Variants in A2ML1 observed in about 807,000 individuals in gnomAD.
The protein encoded by A2ML1 is alpha-2-macroglobulin like 1.
In A2ML1, 161 loss-of-function variants were observed where a neutral mutation model predicts 181.9. The observed-to-expected ratio is 0.89, with a 90% confidence interval of 0.78 to 1.01. The LOEUF is 1.01. A2ML1 is among the 50% of genes least tolerant of loss of function. A2ML1 has a pLI of 0.00. For missense variants in A2ML1, 1,670 were observed against 1,768.1 expected, an observed-to-expected ratio of 0.94 and a Z score of 1.00; for synonymous variants, 663 against 666.8, an observed-to-expected ratio of 0.99 and a Z score of 0.09.
chr12:8,871,145 A>C (rs912458937), intron 33 of A2ML1, among the ~76,000 whole-genome samples: 2 of 152,220 alleles, frequency 1.3e-5, no homozygotes, highest in African/African-American at 4.8e-5. Context: ...TTTGTTGGGA[A>C]ACACATGGAA....
At chr12:8,870,663 G>A (rs56034097) in intron 33 of A2ML1, among the ~76,000 whole-genome samples, 8,622 of 152,254 alleles carry the variant, frequency 0.057, 344 homozygotes, top group Non-Finnish European at 0.088. Flanking sequence ...CCAAGTTTAT[G>A]ATGCTTTCAT....
intron 23 of A2ML1, among the ~76,000 whole-genome samples, chr12:8,856,192 C>T (rs1191940947): frequency 6.6e-6 from 1 of 152,148 alleles, no homozygotes; most frequent in Non-Finnish European, 1.5e-5. Flanking sequence ...AGTAGGAGCC[C>T]TATGAATGTT....
chr12:8,823,744 G>T lies in A2ML1; in HGVS notation c.271G>T (p.Glu91Ter), dbSNP rs771663545. The T allele has an allele frequency of 6.2e-7, 1 of 1,613,980 alleles. No homozygotes were observed. The highest frequency in any genetic ancestry group is 8.5e-7 in the Non-Finnish European group (1 of 1,179,956). The change falls in exon 3 of 36, where the codon GAA (glutamate) becomes TAA (stop). Residue 91 changes from glutamate to a stop codon, truncating the protein, a stop_gained. Coordinates refer to ENST00000299698, the MANE Select transcript of A2ML1 (RefSeq NM_144670.6). LOFTEE classifies it high-confidence loss of function. ...GGTACCACCTCCTGCTGGTGGCACA[G>T]AAGAAGTGGCCACAATCCGGGTGTC... is the stretch of plus-strand genomic sequence containing the variant. ...FLVPPPAGGT[E>*]EVATIRVSGV...
At position 8,852,673 on chromosome 12, in the gene A2ML1, AATTG is replaced by A. The variant is rs1459741771; in HGVS notation, c.2590+343_2590+346del. On this transcript the variant is annotated intron_variant, in intron 20 of 35. Coordinates refer to ENST00000299698, the MANE Select transcript of A2ML1 (RefSeq NM_144670.6). This position sits in a 1 kb window ranked among gnomAD's most constrained non-coding sequence, Gnocchi z 4.2. The stretch of plus-strand genomic sequence containing the variant: ...CTGCTTTACATATATTAACTCATTA[AATTG>A]ATTGACTAATTAATTTTTATTTTAT... Among the ~76,000 whole-genome samples, 3 of 152,104 alleles carry A rather than the reference AATTG, an allele frequency of 2.0e-5. No homozygotes were observed. The highest frequency in any genetic ancestry group is 4.4e-5 in the Non-Finnish European group (3 of 68,018).
intron 15 of A2ML1, 42 bp downstream of exon 15, chr12:8,847,740 T>C (rs1592131485): frequency 6.3e-7 from 1 of 1,590,762 alleles, no homozygotes; most frequent in South Asian, 1.1e-5. Flanking sequence ...AGGGAGTTGA[T>C]GGAGAAGACA....
At chr12:8,824,925 C>CT (rs1166287715) in intron 3 of A2ML1, among the ~76,000 whole-genome samples, 1 of 152,124 alleles carries the variant, frequency 6.6e-6, no homozygotes, top group Non-Finnish European at 1.5e-5. Context: ...GGGTCTCATT[C>CT]TTTTTTATGG....
At position 8,849,712 on chromosome 12, in the gene A2ML1, C is replaced by A; in HGVS notation, c.2072C>A (p.Pro691Gln). Residue 691 changes from proline to glutamine, a missense_variant, in exon 17 of 36, where the codon CCA (proline) becomes CAA (glutamine). Physicochemically the swap from Pro to Gln is moderately conservative, Grantham distance 76. Transcript: ENST00000299698. ...KILSNAKIKK[P>Q]VDCSHRSPEY... ...CTGTCCAATGCCAAAATCAAGAAGC[C>A]AGTAGATTGCAGTCACAGATCTCCA... 6.2e-7 allele frequency: 1 copy of A among 1,614,186 alleles called. No individual in the cohort carries two copies. The highest frequency in any genetic ancestry group is 8.5e-7 in the Non-Finnish European group (1 of 1,180,038).
chr12:8,855,486 A>T lies in A2ML1; in HGVS notation c.2765-23A>T, dbSNP rs779210742. 202 of 1,612,376 alleles carry T rather than the reference A, an allele frequency of 1.3e-4. 3 individuals carry two copies. The South Asian group carries it at 2.0e-3, about 16-fold the overall frequency. ...GCCATTCCCCATCTTCTATTGTGTC[A>T]CCTTTTTTTCTGCATCTCACAGGAA... On this transcript the variant is annotated intron_variant, in intron 22 of 35. Transcript: ENST00000299698.
At chr12:8,836,010 C>A (rs1220135571) in intron 6 of A2ML1, among the ~76,000 whole-genome samples, 14 of 98,992 alleles carry the variant, frequency 1.4e-4, no homozygotes, top group Non-Finnish European at 2.2e-4. Context: ...AAGACTCCGT[C>A]TCAAAAAAAA....
At chr12:8,842,221 CT>C (rs763862924) in intron 11 of A2ML1, among the ~76,000 whole-genome samples, 17,414 of 142,838 alleles carry the variant, frequency 0.12, 1,008 homozygotes, top group Non-Finnish European at 0.17. Flanking sequence ...ATGTTTTTTT[CT>C]TTTTTTTTTT....
rs373823890 is a variant in A2ML1 at position 8,846,134 on chromosome 12, C to T, written c.1595C>T (p.Pro532Leu). Residue 532 changes from proline to leucine, a missense_variant, in exon 14 of 36, where the codon CCT becomes CTT. Pro to Leu is a moderately conservative substitution (Grantham distance 98). Coordinates refer to ENST00000299698, the MANE Select transcript of A2ML1 (RefSeq NM_144670.6). The part of the protein sequence containing the change: ...LTFTSRLAPD[P>L]SLVIYAIFPS... ...TTCACTTCGAGACTGGCCCCTGATC[C>T]TTCCCTGGTGATCTATGCCATTTTT... 95 of 1,614,092 alleles carry T rather than the reference C, an allele frequency of 5.9e-5. No individual in the cohort carries two copies. The highest frequency in any genetic ancestry group is 1.3e-4 in the Admixed American group (8 of 60,002).
Position 8,854,118 on chromosome 12 carries a change from T to A in A2ML1, c.2591-10T>A. ...ATAGGGCTAATGGCTTCCCTTCTTC[T>A]TTCTCTCAGGTCACATTAACTTTAC... On this transcript the variant is annotated splice_polypyrimidine_tract_variant and intron_variant, in intron 20 of 35. Coordinates refer to ENST00000299698, the MANE Select transcript of A2ML1 (RefSeq NM_144670.6). 6.4e-7 allele frequency: 1 copy of A among 1,570,168 alleles called. No individual in the cohort carries two copies. Among genetic ancestry groups the A allele is most frequent in the African/African-American group, 1.4e-5 (1 of 73,758 alleles).
At chr12:8,858,962 A>C (rs1944165086) in intron 26 of A2ML1, among the ~76,000 whole-genome samples, 1 of 152,100 alleles carries the variant, frequency 6.6e-6, no homozygotes, top group African/African-American at 2.4e-5. Context: ...TCATGTTTAC[A>C]ACAAATCAAT....
rs751287968 is a variant in A2ML1, at chr12:8,838,444, G to A, written c.964G>A (p.Gly322Arg). Residue 322 changes from glycine to arginine, a missense_variant, in exon 9 of 36, where the codon GGG (glycine) becomes AGG (arginine). Physicochemically the swap from Gly to Arg is moderately radical, Grantham distance 125. Coordinates refer to ENST00000299698, the MANE Select transcript of A2ML1 (RefSeq NM_144670.6). ...INIVATVVEE[G>R]TGVEANATQN... ...TATTGTGGCTACTGTTGTGGAGGAAGGGACAGGTAAGTAGGGTGCTCCTTG... is the reference window on the plus strand; with the variant it reads ...TATTGTGGCTACTGTTGTGGAGGAAAGGACAGGTAAGTAGGGTGCTCCTTG... 2.7e-5 allele frequency: 43 copies of A among 1,613,094 alleles called. No individual in the cohort carries two copies. The highest frequency in any genetic ancestry group is 3.4e-5 in the Non-Finnish European group (40 of 1,179,510).
intron 33 of A2ML1, among the ~76,000 whole-genome samples, chr12:8,872,128 G>A (rs1433715953): frequency 1.3e-5 from 2 of 151,024 alleles, no homozygotes; most frequent in Non-Finnish European, 1.5e-5. Flanking sequence ...GCAGTGAGCC[G>A]AGATTGCGCC....
At position 8,851,844 on chromosome 12, in the gene A2ML1, G is replaced by T; in HGVS notation, c.2295G>T (p.Ala765=). The T allele has an allele frequency of 6.2e-7, 1 of 1,614,166 alleles. No homozygotes were observed. Among genetic ancestry groups the T allele is most frequent in the Non-Finnish European group, 8.5e-7 (1 of 1,180,028 alleles). Residue 765 remains alanine, a synonymous_variant, in exon 19 of 36, where the codon GCG becomes GCT. Transcript: ENST00000299698. ...TVPDAITEWK[A]MSFCTSQSRG... is the part of the protein sequence containing the mutation. ...CTGACGCCATCACCGAGTGGAAGGC[G>T]ATGAGTTTCTGCACTTCCCAGTCAA... is the stretch of plus-strand genomic sequence containing the variant.
intron 12 of A2ML1, among the ~76,000 whole-genome samples, chr12:8,843,823 A>G (rs1943574391): frequency 6.7e-6 from 1 of 149,056 alleles, no homozygotes; most frequent in Non-Finnish European, 1.5e-5. Flanking sequence ...GGTTCACGCC[A>G]TTCTCCTGTC....
At chr12:8,861,325 G>A in intron 28 of A2ML1, 28 bp downstream of exon 28, 3 of 1,611,424 alleles carry the variant, frequency 1.9e-6, no homozygotes, top group Non-Finnish European at 2.5e-6. Context: ...AGAGTTCTTT[G>A]AAATTGTGAA....
rs1944157165 is a variant in A2ML1 at position 8,858,701 on chromosome 12, C to T, written c.3264+599C>T. On this transcript the variant is annotated intron_variant, in intron 26 of 35. Transcript: ENST00000299698. ...AACGCAGATTCTGACTCCCAGCCCA[C>T]ACCTACTGAATGAGAAACTCTGGGA... Among the ~76,000 whole-genome samples the T allele has an allele frequency of 2.0e-5, 3 of 152,176 alleles. No individual in the cohort carries two copies. The South Asian group carries it at 6.2e-4, about 31-fold the overall frequency.
Sources: allele counts gnomAD v4.1 joint callset (sites outside exome capture counted in the v4.1 genomes callset), GRCh38; gene constraint gnomAD v4.1.1; non-coding constraint Gnocchi (gnomAD v3.1); transcripts MANE v1.5; gene names NCBI Gene and HGNC (gene_info 2026-07-23, HGNC 2026-07-21).